GRID1: variants seen among roughly 807,000 people sequenced by gnomAD.
GRID1 encodes glutamate ionotropic receptor delta type subunit 1, also known as glutamate receptor ionotropic, delta-1.
GRID1 carries 28 observed loss-of-function variants against 98.0 expected under a neutral mutation model. The ratio of observed to expected loss-of-function variants is 0.29; its 90% CI spans 0.21 to 0.39. The LOEUF (loss-of-function observed/expected upper bound fraction) is 0.39. Ranked by LOEUF, GRID1 falls within the 10% of genes least tolerant of loss-of-function variation. The pLI, the probability that GRID1 is intolerant of heterozygous loss-of-function variation, is 1.00. For synonymous variants in GRID1, 553 were observed against 538.5 expected (o/e 1.03, Z -0.37); for missense variants, 1,111 against 1,340.5 (o/e 0.83, Z 2.67).
At chr10:85,721,836 A>C (rs968056336) in intron 12 of GRID1, among the ~76,000 whole-genome samples, 2 of 152,234 alleles carry the variant, frequency 1.3e-5, no homozygotes, top group African/African-American at 4.8e-5. Flanking sequence ...ACCCGAATGC[A>C]CACATACATA....
chr10:85,868,412 G>A (rs749062984), intron 6 of GRID1, among the ~76,000 whole-genome samples: 2 of 152,138 alleles, frequency 1.3e-5, no homozygotes, highest in African/African-American at 4.8e-5. Context: ...AGCTAGTGCC[G>A]ACTGCACATA....
chr10:86,227,182 G>A (rs117820341), intron 2 of GRID1, among the ~76,000 whole-genome samples: 1,909 of 152,326 alleles, frequency 0.013, 14 homozygotes, highest in Middle Eastern at 0.024. Flanking sequence ...ACTGAGCCTG[G>A]GGAAAGGAGA....
chr10:86,062,295 C>T (rs1042708110), intron 4 of GRID1, among the ~76,000 whole-genome samples: 11 of 152,078 alleles, frequency 7.2e-5, no homozygotes, highest in Admixed American at 6.5e-4. Context: ...CACACACGCA[C>T]ACTTAAGATG....
intron 4 of GRID1, among the ~76,000 whole-genome samples, chr10:86,056,707 C>CCAGGT (rs1276164593): frequency 1.4e-4 from 22 of 152,246 alleles, no homozygotes; most frequent in Non-Finnish European, 7.3e-5. Flanking sequence ...GACAGAGCCC[C>CCAGGT]CAGGTCACAC....
intron 4 of GRID1, among the ~76,000 whole-genome samples, chr10:85,930,171 T>C (rs1841829652): frequency 6.6e-6 from 1 of 151,034 alleles, no homozygotes; most frequent in Non-Finnish European, 1.5e-5. Context: ...TACAAATAAC[T>C]TGCGGTTATT....
rs534635424 is a variant in GRID1, at chr10:86,360,787, C to G, written c.235+3154G>C. Among the ~76,000 whole-genome samples the G allele has an allele frequency of 7.9e-5, 12 of 152,324 alleles. No individual in the cohort carries two copies. The South Asian group carries it at 1.7e-3, about 21-fold the overall frequency. On this transcript the variant is annotated intron_variant, in intron 2 of 15. Transcript: ENST00000327946. ...TATTCCCTTTGAACAGATCTGGAAACAGAAGCTCAGAGCAGAGCTCCAGGG... is the reference window on the plus strand; with the variant it reads ...TATTCCCTTTGAACAGATCTGGAAAGAGAAGCTCAGAGCAGAGCTCCAGGG...
chr10:85,873,892 A>G (rs957626612), intron 5 of GRID1, among the ~76,000 whole-genome samples: 2 of 152,240 alleles, frequency 1.3e-5, no homozygotes, highest in African/African-American at 2.4e-5. Flanking sequence ...ACTCACCACC[A>G]TTTAATAACC....
chr10:86,125,725 A>G (rs1004104149), intron 4 of GRID1, among the ~76,000 whole-genome samples: 1 of 152,074 alleles, frequency 6.6e-6, no homozygotes, highest in African/African-American at 2.4e-5. Flanking sequence ...AGACAGCAAG[A>G]CCAACCCTTC....
chr10:85,680,056 T>G (rs1449525008), intron 12 of GRID1, among the ~76,000 whole-genome samples: 1 of 152,178 alleles, frequency 6.6e-6, no homozygotes, highest in Non-Finnish European at 1.5e-5. Context: ...CTGCTCCTGC[T>G]TTTGATGCCC....
intron 12 of GRID1, among the ~76,000 whole-genome samples, chr10:85,692,067 T>C (rs1841339704): frequency 6.6e-6 from 1 of 152,086 alleles, no homozygotes; most frequent in Non-Finnish European, 1.5e-5. Flanking sequence ...GTAGCTCCAT[T>C]TATGCAGCTT....
intron 3 of GRID1, among the ~76,000 whole-genome samples, chr10:86,142,861 T>C (rs1422426007): frequency 6.6e-6 from 1 of 152,146 alleles, no homozygotes; most frequent in Non-Finnish European, 1.5e-5. Context: ...TAAAACCATC[T>C]CAACCCACAG....
intron 4 of GRID1, among the ~76,000 whole-genome samples, chr10:86,062,817 T>C (rs1435204107): frequency 6.6e-6 from 1 of 152,230 alleles, no homozygotes; most frequent in East Asian, 1.9e-4. Context: ...GGCAGGGCTG[T>C]TGTGGGTCCT....
intron 4 of GRID1, among the ~76,000 whole-genome samples, chr10:86,015,702 G>T (rs972467804): frequency 3.3e-5 from 5 of 152,096 alleles, no homozygotes; most frequent in African/African-American, 1.2e-4. Context: ...TCTTAATCTT[G>T]TTCTCTGGAC....
intron 4 of GRID1, among the ~76,000 whole-genome samples, chr10:86,032,494 G>A (rs532163734): frequency 3.3e-5 from 5 of 152,306 alleles, no homozygotes; most frequent in Non-Finnish European, 5.9e-5. Flanking sequence ...AAATTCTTCT[G>A]CCTTGGGATG....
intron 8 of GRID1, among the ~76,000 whole-genome samples, chr10:85,807,380 G>T (rs1842632758): frequency 6.8e-6 from 1 of 147,388 alleles, no homozygotes; most frequent in East Asian, 1.9e-4. Context: ...GAAAGAAAAA[G>T]AATCTTGATT....
intron 2 of GRID1, among the ~76,000 whole-genome samples, chr10:86,290,633 AC>A (rs746529769): frequency 6.7e-6 from 1 of 149,268 alleles, no homozygotes; most frequent in East Asian, 1.9e-4. Flanking sequence ...AGCCTGGGCA[AC>A]AGAGCAAGAC....
At chr10:85,803,942 A>C (rs1335065906) in intron 8 of GRID1, among the ~76,000 whole-genome samples, 1 of 151,970 alleles carries the variant, frequency 6.6e-6, no homozygotes, top group Non-Finnish European at 1.5e-5. Flanking sequence ...TATTTTTTTA[A>C]AAGAGAAAGG....
intron 2 of GRID1, among the ~76,000 whole-genome samples, chr10:86,239,481 A>G (rs1846593422): frequency 6.6e-6 from 1 of 152,216 alleles, no homozygotes; most frequent in Admixed American, 6.5e-5. Context: ...GCAATGTGAT[A>G]AAAAATGAGA....
chr10:85,905,930 C>G (rs1271788273), intron 5 of GRID1, among the ~76,000 whole-genome samples: 2 of 151,986 alleles, frequency 1.3e-5, no homozygotes, highest in Non-Finnish European at 2.9e-5. Flanking sequence ...TATAAATTAT[C>G]TAAAATTCCT....
Sources: gnomAD v4.1 joint callset for allele counts (sites outside exome capture counted in the v4.1 genomes callset) on GRCh38, gnomAD v4.1.1 for gene constraint, MANE v1.5 for transcripts, NCBI Gene and HGNC (gene_info 2026-07-23, HGNC 2026-07-21) for gene names.